The following LINGO2 variants were observed in gnomAD, a reference collection of about 807,000 sequenced individuals.
LINGO2 encodes the protein leucine rich repeat and Ig domain containing 2.
Under a neutral mutation model 30.6 loss-of-function variants are expected in LINGO2, and 14 were observed. That is an observed-to-expected ratio of 0.46 (90% CI 0.30 to 0.72). LINGO2 has a LOEUF of 0.72. Ranked by LOEUF, LINGO2 falls within the 30% of genes least tolerant of loss-of-function variation. The pLI is 0.07. For synonymous variants in LINGO2, 317 were observed against 288.5 expected (o/e 1.10, Z -1.00); for missense variants, 729 against 751.7 (o/e 0.97, Z 0.35).
chr9:28,745,559 A>T, the LINGO2 span, among the ~76,000 whole-genome samples: 1 of 152,070 alleles, frequency 6.6e-6, no homozygotes, highest in Admixed American at 6.6e-5. Context: ...GTGGGTTTTT[A>T]AAAATTATTT....
At chr9:28,425,222 T>C (rs10116250) in intron 2 of LINGO2, among the ~76,000 whole-genome samples, 12,014 of 148,166 alleles carry the variant, frequency 0.081, 713 homozygotes, top group East Asian at 0.24. Context: ...AAGAAATAAT[T>C]GCACATAAGT....
At chr9:28,876,958 T>C in the LINGO2 span, among the ~76,000 whole-genome samples, 4 of 152,194 alleles carry the variant, frequency 2.6e-5, no homozygotes, top group African/African-American at 9.6e-5. Flanking sequence ...TGGTGTGAGA[T>C]GGTATCTCAT....
chr9:28,409,658 T>G (rs1169690604), intron 2 of LINGO2, among the ~76,000 whole-genome samples: 1 of 149,600 alleles, frequency 6.7e-6, no homozygotes, highest in East Asian at 2.0e-4. Context: ...TGTGTGATGT[T>G]TCGAAGTCAT....
At chr9:28,556,550 T>C (rs1822708489) in intron 1 of LINGO2, among the ~76,000 whole-genome samples, 1 of 152,014 alleles carries the variant, frequency 6.6e-6, no homozygotes, top group Admixed American at 6.6e-5. Flanking sequence ...AGAATCAATA[T>C]CGTGAAAATG....
chr9:28,498,119 G>A (rs1375195186), intron 1 of LINGO2, among the ~76,000 whole-genome samples: 1 of 152,190 alleles, frequency 6.6e-6, no homozygotes, highest in South Asian at 2.1e-4. Context: ...ACCCACTTGA[G>A]GAGGCAGTCT....
intron 3 of LINGO2, among the ~76,000 whole-genome samples, chr9:28,326,402 T>C (rs1825231707): frequency 6.6e-6 from 1 of 152,202 alleles, no homozygotes; most frequent in Non-Finnish European, 1.5e-5. Flanking sequence ...TCCTCTACCC[T>C]AACCCAATTT....
At chr9:29,191,228 A>C in the LINGO2 span, among the ~76,000 whole-genome samples, 1 of 152,250 alleles carries the variant, frequency 6.6e-6, no homozygotes, top group South Asian at 2.1e-4. Context: ...AAATTAATAT[A>C]AGCGTATTCA....
the LINGO2 span, among the ~76,000 whole-genome samples, chr9:29,186,749 C>T: frequency 6.6e-6 from 1 of 151,840 alleles, no homozygotes; most frequent in South Asian, 2.1e-4. Flanking sequence ...AGATTGTCTG[C>T]ATCCTGGCTT....
intron 4 of LINGO2, among the ~76,000 whole-genome samples, chr9:28,022,563 A>G (rs1378860863): frequency 6.6e-6 from 1 of 151,896 alleles, no homozygotes; most frequent in African/African-American, 2.4e-5. Context: ...GTTTCACTGG[A>G]TATTCTATAT....
At chr9:28,857,798 A>T in the LINGO2 span, among the ~76,000 whole-genome samples, 1 of 152,104 alleles carries the variant, frequency 6.6e-6, no homozygotes, top group Admixed American at 6.6e-5. Flanking sequence ...TAAATGTAAA[A>T]ATATTAACAT....
chr9:28,902,454 C>A, the LINGO2 span, among the ~76,000 whole-genome samples: 8 of 152,210 alleles, frequency 5.3e-5, no homozygotes, highest in African/African-American at 1.7e-4. Flanking sequence ...GATTTCATTA[C>A]CTCACTTTAA....
At chr9:28,632,677 T>C (rs1827007324) in intron 1 of LINGO2, among the ~76,000 whole-genome samples, 2 of 120,210 alleles carry the variant, frequency 1.7e-5, no homozygotes, top group African/African-American at 3.0e-5. Flanking sequence ...AAAATATCTA[T>C]ATAAAAATAT....
At position 28,262,236 on chromosome 9, in the gene LINGO2, G is replaced by C. The variant is rs190874907; in HGVS notation, c.-87+32972C>G. 3.2e-3 allele frequency among the ~76,000 whole-genome samples: 484 copies of C among 151,026 alleles called. 1 individual carries two copies. Among genetic ancestry groups the C allele is most frequent in the Non-Finnish European group, 5.7e-3 (385 of 67,636 alleles). ...CGATGCTTATAAATCACTTAGCAAA[G>C]TACTTGACACCTACTAGTCCTTACT... On this transcript the variant is annotated intron_variant, in intron 4 of 5. Transcript: ENST00000379992.
chr9:29,071,154 TTATTGTATTGTATTGTATTGTATTG>T, the LINGO2 span, among the ~76,000 whole-genome samples: 1,062 of 137,762 alleles, frequency 7.7e-3, 12 homozygotes, highest in African/African-American at 0.028. Flanking sequence ...TCACAGAGAA[TTATTGTATTGTATTGTATTGTATTG>T]TATTGTATTG....
chr9:28,977,048 G>T, the LINGO2 span, among the ~76,000 whole-genome samples: 1 of 152,152 alleles, frequency 6.6e-6, no homozygotes, highest in South Asian at 2.1e-4. Flanking sequence ...TTTTACTAAG[G>T]TCACCTTGCT....
At chr9:28,402,223 C>T (rs1822300290) in intron 2 of LINGO2, among the ~76,000 whole-genome samples, 1 of 25,678 alleles carries the variant, frequency 3.9e-5, no homozygotes, top group Admixed American at 3.1e-4. Context: ...AAAACAATAA[C>T]TTAGGATAGG....
At chr9:28,750,076 C>A in the LINGO2 span, among the ~76,000 whole-genome samples, 21 of 152,014 alleles carry the variant, frequency 1.4e-4, no homozygotes, top group African/African-American at 5.1e-4. Flanking sequence ...GATCATTTAG[C>A]CCAATTCTCT....
At chr9:28,543,418 C>T (rs1200589827) in intron 1 of LINGO2, among the ~76,000 whole-genome samples, 1 of 152,008 alleles carries the variant, frequency 6.6e-6, no homozygotes, top group Non-Finnish European at 1.5e-5. Context: ...TCTGGATTAT[C>T]AAGCGCAAGA....
chr9:29,191,697 C>A, the LINGO2 span, among the ~76,000 whole-genome samples: 1 of 152,092 alleles, frequency 6.6e-6, no homozygotes, highest in Admixed American at 6.6e-5. Flanking sequence ...TAGCACAACT[C>A]AAAAACCAGA....
Sources: allele counts gnomAD v4.1 joint callset (sites outside exome capture counted in the v4.1 genomes callset), GRCh38; gene constraint gnomAD v4.1.1; transcripts MANE v1.5; gene names NCBI Gene and HGNC (gene_info 2026-07-23, HGNC 2026-07-21).